The following NLRP14 variants were observed in gnomAD, a reference collection of about 807,000 sequenced individuals.
NLRP14 encodes NACHT, LRR and PYD domains-containing protein 14.
A neutral mutation model predicts 94.7 loss-of-function variants in NLRP14; 105 were observed. The ratio of observed to expected loss-of-function variants is 1.11; its 90% CI spans 0.95 to 1.30. NLRP14 has a LOEUF of 1.30. Among genes scored for constraint, NLRP14 ranks in the 50% most tolerant of loss-of-function variants. NLRP14 has a pLI of 0.00. For missense variants in NLRP14, 1,362 were observed against 1,254.1 expected, an observed-to-expected ratio of 1.09 and a Z score of -1.30; for synonymous variants, 508 against 459.9, an observed-to-expected ratio of 1.10 and a Z score of -1.34.
chr11:7,060,930 T>C (rs373839661), intron 9 of NLRP14, among the ~76,000 whole-genome samples: 5 of 152,192 alleles, frequency 3.3e-5, no homozygotes, highest in African/African-American at 1.2e-4. Context: ...CTGTATGGTA[T>C]TTAGTATTTC....
At position 7,057,750 on chromosome 11, in the gene NLRP14, A is replaced by G. The variant is rs749633780; in HGVS notation, c.2365A>G (p.Ile789Val). The change falls in exon 7 of 12, where the codon ATA becomes GTA. Residue 789 changes from isoleucine to valine, a missense_variant. Physicochemically the swap from Ile to Val is conservative, Grantham distance 29. Coordinates refer to ENST00000299481, the MANE Select transcript of NLRP14 (RefSeq NM_176822.4). ...TGCTCTCATCAGAAGCCAGAGCCTGATATTTCTGAATCTGTCAACCAATAA... is the reference window on the plus strand; with the variant it reads ...TGCTCTCATCAGAAGCCAGAGCCTGGTATTTCTGAATCTGTCAACCAATAA... ...SNALIRSQSL[I>V]FLNLSTNNLL... 3 of 1,612,038 alleles carry G rather than the reference A, an allele frequency of 1.9e-6. No individual in the cohort carries two copies. The highest frequency in any genetic ancestry group is 1.1e-5 in the South Asian group (1 of 91,050).
chr11:7,071,301 G>A lies in NLRP14; in HGVS notation c.3275G>A (p.Cys1092Tyr), dbSNP rs1186277696. The change falls in exon 12 of 12, where the codon TGT (cysteine) becomes TAT (tyrosine). Residue 1092 changes from cysteine to tyrosine, a missense_variant. Coordinates refer to ENST00000299481, the MANE Select transcript of NLRP14 (RefSeq NM_176822.4). ...GAAGAAGATGTGTCTTGGTGGTGGT[G>A]TTTCTGATTTGAAGAAACTGACATT... The part of the protein sequence containing the change: ...HNEEDVSWWW[C>Y]F 13 of 1,612,308 alleles carry A rather than the reference G, an allele frequency of 8.1e-6. No homozygotes were observed. The highest frequency in any genetic ancestry group is 1.1e-5 in the Non-Finnish European group (13 of 1,179,002).
intron 1 of NLRP14, among the ~76,000 whole-genome samples, chr11:7,021,241 G>A (rs754643695): frequency 2.0e-5 from 3 of 152,182 alleles, no homozygotes; most frequent in Non-Finnish European, 4.4e-5. Flanking sequence ...TAGTAACTAT[G>A]TAACAGACTT....
intron 6 of NLRP14, among the ~76,000 whole-genome samples, chr11:7,055,553 G>A (rs1462401103): frequency 6.6e-6 from 1 of 152,038 alleles, no homozygotes; most frequent in Non-Finnish European, 1.5e-5. Context: ...CCTCTTTATT[G>A]AGGAATAGCC....
the NLRP14 span, among the ~76,000 whole-genome samples, chr11:7,088,873 T>G: frequency 6.6e-6 from 1 of 152,110 alleles, no homozygotes; most frequent in African/African-American, 2.4e-5. Flanking sequence ...AACAGGAAGT[T>G]AAAGACTGAA....
At position 7,043,417 on chromosome 11, in the gene NLRP14, A is replaced by G. The variant is rs1302684522; in HGVS notation, c.1391A>G (p.Asn464Ser). The G allele has an allele frequency of 3.1e-6, 5 of 1,614,020 alleles. No homozygotes were observed. The highest frequency in any genetic ancestry group is 2.2e-5 in the South Asian group (2 of 91,088). ...GATGTCTCTAGTTTTATGGACAGCA[A>G]TATTATTCAGAAGGACGCAGAGTAT... is the stretch of plus-strand genomic sequence containing the variant. ...QSDVSSFMDS[N>S]IIQKDAEYEN... is the part of the protein sequence containing the mutation. The change falls in exon 4 of 12, where the codon AAT becomes AGT. Residue 464 changes from asparagine to serine, a missense_variant. Coordinates refer to ENST00000299481, the MANE Select transcript of NLRP14 (RefSeq NM_176822.4).
intron 1 of NLRP14, among the ~76,000 whole-genome samples, chr11:7,029,380 C>A (rs537264986): frequency 7.0e-4 from 107 of 152,256 alleles, no homozygotes; most frequent in Middle Eastern, 6.8e-3. Context: ...ATCACTTTCA[C>A]GAGGCATTGC....
At chr11:7,023,464 C>A (rs1565008149) in intron 1 of NLRP14, among the ~76,000 whole-genome samples, 1 of 144,212 alleles carries the variant, frequency 6.9e-6, no homozygotes, top group Admixed American at 7.0e-5. Flanking sequence ...ATGTATAAAT[C>A]TATTTTTACA....
the NLRP14 span, among the ~76,000 whole-genome samples, chr11:7,086,686 T>C: frequency 3.3e-5 from 5 of 152,128 alleles, no homozygotes; most frequent in African/African-American, 1.2e-4. Flanking sequence ...CAAACTTTGA[T>C]CTTGATCCTA....
In NLRP14 at chr11:7,026,876, G is replaced by A. The variant is rs964031310; in HGVS notation, c.-22+6106G>A. ...ACCTAATGCTAAATGGTGAGTTAATGGGTGCAGCACACCAGCATGGCACAT... is the reference window on the plus strand; with the variant it reads ...ACCTAATGCTAAATGGTGAGTTAATAGGTGCAGCACACCAGCATGGCACAT... On this transcript the variant is annotated intron_variant, in intron 1 of 11. Transcript: ENST00000299481. Among the ~76,000 whole-genome samples, 3 of 151,556 alleles carry A rather than the reference G, an allele frequency of 2.0e-5. No individual in the cohort carries two copies. The South Asian group carries it at 6.3e-4, about 32-fold the overall frequency.
At chr11:7,059,346 C>A (rs1012437636) in intron 8 of NLRP14, among the ~76,000 whole-genome samples, 3 of 151,546 alleles carry the variant, frequency 2.0e-5, no homozygotes, top group Admixed American at 1.3e-4. Context: ...TTTGGAAGTA[C>A]CTTTCTTTTA....
chr11:7,082,449 G>A, the NLRP14 span, among the ~76,000 whole-genome samples: 2 of 152,100 alleles, frequency 1.3e-5, no homozygotes, highest in Non-Finnish European at 2.9e-5. Context: ...AATGTCTCCT[G>A]GGATGAGGCC....
intron 6 of NLRP14, 103 bp from the exon 7 acceptor site, chr11:7,057,574 G>A: frequency 8.8e-7 from 1 of 1,135,998 alleles, no homozygotes; most frequent in South Asian, 1.2e-5. Context: ...TTTCAGGCAA[G>A]ATTCCAAAGA....
chr11:7,052,875 A>G (rs1417173181), intron 6 of NLRP14, among the ~76,000 whole-genome samples: 1 of 152,214 alleles, frequency 6.6e-6, no homozygotes, highest in East Asian at 1.9e-4. Flanking sequence ...ATGAGAATAC[A>G]CCGTTTAAAA....
intron 6 of NLRP14, among the ~76,000 whole-genome samples, chr11:7,052,005 T>C (rs1210472929): frequency 6.6e-6 from 1 of 152,206 alleles, no homozygotes; most frequent in Non-Finnish European, 1.5e-5. Context: ...TCTATTCTCT[T>C]TGTCTTGATA....
chr11:7,060,076 G>T lies in NLRP14; in HGVS notation c.2804+12G>T, dbSNP rs1852593499. 2 of 1,610,690 alleles carry T rather than the reference G, an allele frequency of 1.2e-6. No individual in the cohort carries two copies. Among genetic ancestry groups the T allele is most frequent in the Non-Finnish European group, 1.7e-6 (2 of 1,177,248 alleles). On this transcript the variant is annotated intron_variant, in intron 9 of 11. Coordinates refer to ENST00000299481, the MANE Select transcript of NLRP14 (RefSeq NM_176822.4). ...CTTCAGGACTTGGAGTAGGTTTTCT[G>T]TTGCTTTACTTTTGTGTAGTTTCAA...
intron 1 of NLRP14, among the ~76,000 whole-genome samples, chr11:7,026,015 A>G (rs1169200622): frequency 6.6e-6 from 1 of 152,226 alleles, no homozygotes; most frequent in Non-Finnish European, 1.5e-5. Flanking sequence ...TACATAGAAC[A>G]TTTACAAAAC....
the NLRP14 span, among the ~76,000 whole-genome samples, chr11:7,080,942 T>G: frequency 1.3e-5 from 2 of 152,048 alleles, no homozygotes; most frequent in Admixed American, 1.3e-4. Flanking sequence ...TGTTTATGTG[T>G]GTGGGGAGAA....
chr11:7,060,606 T>C (rs989038480), intron 9 of NLRP14, among the ~76,000 whole-genome samples: 1 of 152,060 alleles, frequency 6.6e-6, no homozygotes, highest in African/African-American at 2.4e-5. Context: ...TTCTTTTAGA[T>C]TTATATTTAA....
Sources: gnomAD v4.1 joint callset for allele counts (sites outside exome capture counted in the v4.1 genomes callset) on GRCh38, gnomAD v4.1.1 for gene constraint, MANE v1.5 for transcripts, NCBI Gene and HGNC (gene_info 2026-07-23, HGNC 2026-07-21) for gene names.